The following UTRN variants were observed in gnomAD, a reference collection of about 807,000 sequenced individuals.
UTRN encodes dystrophin-related protein 1.
In UTRN, 283 loss-of-function variants were observed where a neutral mutation model predicts 463.9. That is an observed-to-expected ratio of 0.61 (90% confidence interval 0.55 to 0.67). The LOEUF (loss-of-function observed/expected upper bound fraction) is 0.67. Among genes scored for constraint, UTRN ranks in the 30% least tolerant of loss-of-function variants. The pLI is 0.00. For synonymous variants in UTRN, 1,442 were observed against 1,431.5 expected (o/e 1.01, Z -0.17); for missense variants, 3,922 against 4,084.3 (o/e 0.96, Z 1.08).
At chr6:144,803,937 A>G (rs927853342) in intron 65 of UTRN, among the ~76,000 whole-genome samples, 2 of 152,102 alleles carry the variant, frequency 1.3e-5, no homozygotes, top group African/African-American at 4.8e-5. Flanking sequence ...CCCAATTTAC[A>G]TTATTATCAC....
intron 33 of UTRN, among the ~76,000 whole-genome samples, chr6:144,495,466 G>A (rs952349314): frequency 2.0e-5 from 3 of 152,330 alleles, no homozygotes; most frequent in South Asian, 2.1e-4. Context: ...AAGCCCACCC[G>A]GAACTCCAGC....
chr6:144,479,783 T>C (rs755160582), intron 25 of UTRN, 29 bp from the exon 26 acceptor site: 1 of 1,595,636 alleles, frequency 6.3e-7, no homozygotes, highest in Non-Finnish European at 8.5e-7. Flanking sequence ...AACATTTGTT[T>C]ATTTGGGGGA....
chr6:144,420,770 T>C (rs1784765425), intron 3 of UTRN, among the ~76,000 whole-genome samples: 1 of 152,164 alleles, frequency 6.6e-6, no homozygotes, highest in African/African-American at 2.4e-5. Flanking sequence ...ACTCCCATAA[T>C]GGAAAGGCTG....
intron 2 of UTRN, among the ~76,000 whole-genome samples, chr6:144,303,345 C>G (rs1294326282): frequency 6.6e-6 from 1 of 152,136 alleles, no homozygotes; most frequent in Admixed American, 6.5e-5. Flanking sequence ...TTTTTAGTAA[C>G]AGTATCTATA....
At chr6:144,394,125 G>A (rs1782185537) in intron 2 of UTRN, among the ~76,000 whole-genome samples, 2 of 152,196 alleles carry the variant, frequency 1.3e-5, no homozygotes, top group South Asian at 4.1e-4. Context: ...CATTGGAGTT[G>A]TTGGCTTCAG....
intron 8 of UTRN, 76 bp downstream of exon 8, chr6:144,428,969 C>A: frequency 1.0e-6 from 1 of 979,216 alleles, no homozygotes; most frequent in South Asian, 1.8e-5. Flanking sequence ...GTTTCTTTGT[C>A]CTTTTAAAAA....
intron 2 of UTRN, among the ~76,000 whole-genome samples, chr6:144,306,647 T>G (rs996920585): frequency 1.3e-5 from 2 of 152,086 alleles, no homozygotes; most frequent in African/African-American, 4.8e-5. Flanking sequence ...GTAATATATA[T>G]ATTTCTCTTA....
At chr6:144,321,234 A>C (rs1456898009) in intron 2 of UTRN, among the ~76,000 whole-genome samples, 1 of 152,182 alleles carries the variant, frequency 6.6e-6, no homozygotes, top group Non-Finnish European at 1.5e-5. Flanking sequence ...ACACACAACC[A>C]TATACACCCA....
At chr6:144,660,987 C>G (rs925630269) in intron 51 of UTRN, among the ~76,000 whole-genome samples, 2 of 152,162 alleles carry the variant, frequency 1.3e-5, no homozygotes, top group Non-Finnish European at 2.9e-5. Flanking sequence ...TGCGTGTATG[C>G]GCTCCTGCCC....
At chr6:144,846,962 G>T in intron 74 of UTRN, 135 bp downstream of exon 74, 2 of 1,282,434 alleles carry the variant, frequency 1.6e-6, no homozygotes, top group East Asian at 5.0e-5. Flanking sequence ...AATGTTAGTT[G>T]ATTCTGTACA....
chr6:144,319,856 ATT>A (rs36057957), intron 2 of UTRN, among the ~76,000 whole-genome samples: 5,781 of 141,658 alleles, frequency 0.041, 317 homozygotes, highest in East Asian at 0.19. Flanking sequence ...ACTTAAGTAC[ATT>A]TTTTTTTTTT....
At chr6:144,737,010 T>C (rs191058663) in intron 54 of UTRN, among the ~76,000 whole-genome samples, 1 of 152,300 alleles carries the variant, frequency 6.6e-6, no homozygotes, top group Admixed American at 6.5e-5. Context: ...TCCCGAGCTC[T>C]CTGCCATGAT....
At chr6:144,537,417 T>C (rs1797635890) in intron 43 of UTRN, among the ~76,000 whole-genome samples, 165 bp from the exon 44 acceptor site, 1 of 151,934 alleles carries the variant, frequency 6.6e-6, no homozygotes, top group Admixed American at 6.5e-5. Flanking sequence ...GCAATCTTTA[T>C]ATTGTAGAAT....
intron 9 of UTRN, among the ~76,000 whole-genome samples, chr6:144,434,260 G>T (rs546437781): frequency 6.6e-6 from 1 of 152,000 alleles, no homozygotes; most frequent in African/African-American, 2.4e-5. Flanking sequence ...GGAGAATCAG[G>T]CAGGGAGGTT....
chr6:144,528,743 A>G (rs1015759497), intron 41 of UTRN, among the ~76,000 whole-genome samples: 145 of 152,202 alleles, frequency 9.5e-4, no homozygotes, highest in African/African-American at 3.3e-3. Context: ...CCTTGGTTGT[A>G]TTTTGGTTAA....
chr6:144,679,253 CAG>C (rs991719779), intron 52 of UTRN, among the ~76,000 whole-genome samples: 4 of 152,000 alleles, frequency 2.6e-5, no homozygotes, highest in African/African-American at 9.7e-5. Context: ...GAAAATTACC[CAG>C]AGAGACAGTA....
At chr6:144,441,449 A>T (rs1270330646) in intron 13 of UTRN, among the ~76,000 whole-genome samples, 1 of 152,216 alleles carries the variant, frequency 6.6e-6, no homozygotes, top group African/African-American at 2.4e-5. Context: ...CTTTGACTTC[A>T]TGTTTCACAT....
intron 47 of UTRN, among the ~76,000 whole-genome samples, chr6:144,549,567 A>C (rs1240293018): frequency 6.6e-6 from 1 of 152,228 alleles, no homozygotes; most frequent in Admixed American, 6.5e-5. Flanking sequence ...CACTGAGTGC[A>C]TATGAGTTGA....
intron 11 of UTRN, among the ~76,000 whole-genome samples, chr6:144,438,451 A>C (rs1257666168): frequency 6.6e-6 from 1 of 152,228 alleles, no homozygotes; most frequent in Non-Finnish European, 1.5e-5. Flanking sequence ...AGCAAACTGC[A>C]TTCATTGCCA....
Sources: allele counts gnomAD v4.1 joint callset (sites outside exome capture counted in the v4.1 genomes callset), GRCh38; gene constraint gnomAD v4.1.1; transcripts MANE v1.5; gene names NCBI Gene and HGNC (gene_info 2026-07-23, HGNC 2026-07-21).